SNTG1: variants seen among roughly 807,000 people sequenced by gnomAD.
SNTG1 encodes the protein gamma-1-syntrophin.
In SNTG1, 39 loss-of-function variants were observed where a neutral mutation model predicts 74.7. The observed-to-expected ratio is 0.52, with a 90% CI of 0.40 to 0.68. The LOEUF is 0.68. Among genes scored for constraint, SNTG1 ranks in the 30% least tolerant of loss-of-function variants. SNTG1 has a pLI of 0.00. For missense variants in SNTG1, 685 were observed against 609.5 expected (o/e 1.12, Z -1.30); for synonymous variants, 254 against 217.1 (o/e 1.17, Z -1.49).
At chr8:50,421,716 T>C (rs1337316315) in intron 4 of SNTG1, among the ~76,000 whole-genome samples, 1 of 152,146 alleles carries the variant, frequency 6.6e-6, no homozygotes, top group Non-Finnish European at 1.5e-5. Flanking sequence ...CATAGGCTCT[T>C]GGCCCCCTAA....
chr8:50,768,600 G>A (rs561076216), intron 18 of SNTG1, among the ~76,000 whole-genome samples: 1 of 152,100 alleles, frequency 6.6e-6, no homozygotes, highest in East Asian at 1.9e-4. Flanking sequence ...TCAGCTTTCA[G>A]TCTATCTGGC....
At chr8:50,560,498 G>A (rs1422454998) in intron 12 of SNTG1, among the ~76,000 whole-genome samples, 1 of 152,164 alleles carries the variant, frequency 6.6e-6, no homozygotes, top group Non-Finnish European at 1.5e-5. Context: ...ATTGAATAAA[G>A]AAAACTTGGT....
At chr8:50,541,037 A>T (rs1542613) in intron 11 of SNTG1, among the ~76,000 whole-genome samples, 21,125 of 152,004 alleles carry the variant, frequency 0.14, 1,594 homozygotes, top group African/African-American at 0.18. Context: ...ATATATTTTG[A>T]TTATACATCT....
intron 1 of SNTG1, among the ~76,000 whole-genome samples, chr8:49,984,980 G>C (rs951109659): frequency 4.6e-5 from 7 of 152,096 alleles, no homozygotes; most frequent in African/African-American, 1.4e-4. Flanking sequence ...AAGGAAAATT[G>C]TCTGAAAGTT....
intron 2 of SNTG1, among the ~76,000 whole-genome samples, chr8:50,190,768 A>G (rs929838379): frequency 9.2e-5 from 14 of 152,150 alleles, no homozygotes; most frequent in Non-Finnish European, 2.1e-4. Flanking sequence ...CGCACATCAC[A>G]GAGGTGACAT....
chr8:50,523,237 T>C (rs556409879), intron 9 of SNTG1, among the ~76,000 whole-genome samples: 2 of 152,296 alleles, frequency 1.3e-5, no homozygotes, highest in Admixed American at 6.5e-5. Flanking sequence ...CCACTAAAAC[T>C]TTCTCCTTAT....
At chr8:49,966,894 C>T (rs1025095259) in intron 1 of SNTG1, among the ~76,000 whole-genome samples, 32 of 151,630 alleles carry the variant, frequency 2.1e-4, no homozygotes, top group Non-Finnish European at 1.9e-4. Flanking sequence ...AATAATTGTT[C>T]GATGGTTATA....
At chr8:50,539,499 G>A (rs2094331104) in intron 11 of SNTG1, among the ~76,000 whole-genome samples, 1 of 152,140 alleles carries the variant, frequency 6.6e-6, no homozygotes, top group African/African-American at 2.4e-5. Context: ...CTGACATAAG[G>A]AAGGAGGTGG....
chr8:50,614,549 A>G (rs2094873588), intron 13 of SNTG1, among the ~76,000 whole-genome samples: 1 of 152,128 alleles, frequency 6.6e-6, no homozygotes, highest in African/African-American at 2.4e-5. Flanking sequence ...GAATGCTATG[A>G]TAACATTTGT....
chr8:50,699,140 C>A (rs1466930988), intron 15 of SNTG1, among the ~76,000 whole-genome samples: 3 of 151,824 alleles, frequency 2.0e-5, no homozygotes, highest in African/African-American at 4.8e-5. Context: ...GAGATCTGTA[C>A]CCTGTGCTTT....
chr8:50,279,888 C>T (rs1404338772), intron 2 of SNTG1, among the ~76,000 whole-genome samples: 1 of 152,092 alleles, frequency 6.6e-6, no homozygotes, highest in Non-Finnish European at 1.5e-5. Flanking sequence ...AATGCCTTCC[C>T]CACTGATAAC....
At chr8:50,782,885 T>C (rs1214864574) in intron 18 of SNTG1, among the ~76,000 whole-genome samples, 3 of 152,136 alleles carry the variant, frequency 2.0e-5, no homozygotes, top group Non-Finnish European at 4.4e-5. Flanking sequence ...GTTTTTGGGG[T>C]GGATGTCCTT....
intron 2 of SNTG1, among the ~76,000 whole-genome samples, chr8:50,302,635 G>A (rs777492527): frequency 6.6e-6 from 1 of 152,134 alleles, no homozygotes; most frequent in South Asian, 2.1e-4. Flanking sequence ...TTTAATGGGA[G>A]TATGTTACAT....
intron 1 of SNTG1, among the ~76,000 whole-genome samples, chr8:50,118,006 G>A (rs1280664373): frequency 6.6e-6 from 1 of 152,068 alleles, no homozygotes; most frequent in Non-Finnish European, 1.5e-5. Context: ...GCAGAAGACT[G>A]AGCACCCTCC....
At chr8:50,161,690 G>A (rs541530257) in intron 1 of SNTG1, among the ~76,000 whole-genome samples, 1 of 151,954 alleles carries the variant, frequency 6.6e-6, no homozygotes, top group African/African-American at 2.4e-5. Flanking sequence ...CATGAGGTAA[G>A]TATAGATTTG....
intron 13 of SNTG1, among the ~76,000 whole-genome samples, chr8:50,640,581 C>G (rs1255214001): frequency 2.0e-5 from 3 of 152,150 alleles, no homozygotes; most frequent in Non-Finnish European, 2.9e-5. Flanking sequence ...TCCACGATCT[C>G]AGACATGGAC....
intron 1 of SNTG1, among the ~76,000 whole-genome samples, chr8:49,998,875 C>G (rs1814486305): frequency 6.6e-6 from 1 of 151,990 alleles, no homozygotes; most frequent in South Asian, 2.1e-4. Flanking sequence ...AATATATAAA[C>G]CAGTAGCATA....
chr8:50,323,089 C>T (rs2090594545), intron 2 of SNTG1, among the ~76,000 whole-genome samples: 1 of 134,192 alleles, frequency 7.5e-6, no homozygotes, highest in South Asian at 2.5e-4. Flanking sequence ...GCCTGGGCAA[C>T]AGAGCAAGAC....
intron 1 of SNTG1, among the ~76,000 whole-genome samples, chr8:49,956,663 T>A (rs1450375072): frequency 2.6e-5 from 4 of 152,202 alleles, no homozygotes; most frequent in Non-Finnish European, 5.9e-5. Flanking sequence ...CTGCATGTAT[T>A]TGTTTTCATT....
Sources: allele counts gnomAD v4.1 joint callset (sites outside exome capture counted in the v4.1 genomes callset), GRCh38; gene constraint gnomAD v4.1.1; transcripts MANE v1.5; gene names NCBI Gene and HGNC (gene_info 2026-07-23, HGNC 2026-07-21).